NYAP2: variants seen among roughly 807,000 people sequenced by gnomAD.
NYAP2 encodes neuronal tyrosine-phosphorylated phosphoinositide-3-kinase adapter 2.
Under a neutral mutation model 50.4 loss-of-function variants are expected in NYAP2, and 23 were observed. That is an observed-to-expected ratio of 0.46 (90% CI 0.33 to 0.65). The LOEUF is 0.65. Among genes scored for constraint, NYAP2 ranks in the 30% least tolerant of loss-of-function variants. The probability of loss-of-function intolerance (pLI) is 0.02; values close to 1 mark genes in which losing one functional copy is unlikely to be tolerated. For synonymous variants in NYAP2, 394 were observed against 365.2 expected (o/e 1.08, Z -0.90); for missense variants, 885 against 861.0 (o/e 1.03, Z -0.35).
At chr2:225,492,634 G>A (rs924605931) in intron 3 of NYAP2, among the ~76,000 whole-genome samples, 3 of 152,190 alleles carry the variant, frequency 2.0e-5, no homozygotes, top group Non-Finnish European at 4.4e-5. Context: ...TCTGCAGACT[G>A]TACATGCGTG....
chr2:225,650,696 G>T, intron 6 of NYAP2, among the ~76,000 whole-genome samples: 1 of 152,150 alleles, frequency 6.6e-6, no homozygotes, highest in East Asian at 1.9e-4. Flanking sequence ...TTCTTTCTAT[G>T]ACTTGTTTTT....
At chr2:225,484,930 AAGGGTG>A (rs1270555079) in intron 3 of NYAP2, among the ~76,000 whole-genome samples, 2 of 152,208 alleles carry the variant, frequency 1.3e-5, no homozygotes, top group African/African-American at 4.8e-5. Context: ...CAGAAACCCT[AAGGGTG>A]AGGCCCATCA....
the NYAP2 span, among the ~76,000 whole-genome samples, chr2:225,690,898 TCAGA>T: frequency 6.6e-6 from 1 of 152,126 alleles, no homozygotes; most frequent in South Asian, 2.1e-4. Context: ...CTGCCTTCTA[TCAGA>T]CAATTCTAAT....
intron 3 of NYAP2, among the ~76,000 whole-genome samples, chr2:225,481,795 A>G (rs1305472185): frequency 1.3e-5 from 2 of 152,134 alleles, no homozygotes; most frequent in Non-Finnish European, 2.9e-5. Flanking sequence ...GCATCCATTT[A>G]TCATTTATTC....
chr2:225,669,664 G>T, the NYAP2 span, among the ~76,000 whole-genome samples: 6 of 151,846 alleles, frequency 4.0e-5, no homozygotes, highest in African/African-American at 1.4e-4. Flanking sequence ...AAAACCACTG[G>T]GAACTGCTAA....
In NYAP2 at chr2:225,622,518, C is replaced by CTTTCT. The variant is rs149175182; in HGVS notation, c.1619-4397_1619-4396insTCTTT. The stretch of plus-strand genomic sequence containing the variant: ...TTTTATTTCTTTTCTTTCTTTCTTT[C>CTTTCT]TTCTTTCTTTCTTTCTTTCTTTCTT... On this transcript the variant is annotated intron_variant, in intron 5 of 6. Coordinates refer to ENST00000636099, the Ensembl canonical transcript of NYAP2. Among the ~76,000 whole-genome samples, 64 of 70,412 alleles carry CTTTCT rather than the reference C, an allele frequency of 9.1e-4. 4 individuals are homozygous for CTTTCT. Among genetic ancestry groups the CTTTCT allele is most frequent in the Admixed American group, 7.6e-3 (36 of 4,712 alleles). 46.2% of individuals were successfully genotyped at this position (70,412 alleles called of 152,430 possible). A position where few individuals can be genotyped will look rare whatever the true frequency, so the allele number is the denominator to read the frequency against.
chr2:225,424,463 T>A (rs1025017060), intron 3 of NYAP2, among the ~76,000 whole-genome samples: 2 of 152,026 alleles, frequency 1.3e-5, no homozygotes, highest in South Asian at 2.1e-4. Context: ...ATAGAAATTT[T>A]AAATTTTTTT....
At chr2:225,530,523 C>T (rs73084720) in intron 4 of NYAP2, among the ~76,000 whole-genome samples, 3,945 of 152,232 alleles carry the variant, frequency 0.026, 164 homozygotes, top group African/African-American at 0.088. Flanking sequence ...GCTTTTTATG[C>T]CTAACCCTCT....
chr2:225,640,074 C>T (rs1002878484), intron 6 of NYAP2, among the ~76,000 whole-genome samples: 1 of 152,140 alleles, frequency 6.6e-6, no homozygotes, highest in African/African-American at 2.4e-5. Context: ...GGATTTTTAA[C>T]CCAGGGCTTA....
chr2:225,466,486 G>C (rs1356405), intron 3 of NYAP2, among the ~76,000 whole-genome samples: 65,496 of 152,070 alleles, frequency 0.43, 17,300 homozygotes, highest in African/African-American at 0.75. Context: ...ATTTAAGACC[G>C]CAGGTGTGAG....
Position 225,574,578 on chromosome 2 carries a change from T to C in NYAP2, c.524-7363T>C, listed in dbSNP as rs547295776. ...CCTTTAAAAGTTTTGGGGCCCAAAG[T>C]GTTTTTTCATTTAAATTTTAAACTA... On this transcript the variant is annotated intron_variant, in intron 4 of 6. Transcript: ENST00000636099. Among the ~76,000 whole-genome samples, 5 of 152,334 alleles carry C rather than the reference T, an allele frequency of 3.3e-5. No homozygotes were observed. In the South Asian group the frequency reaches 1.0e-3, roughly 32 times the overall value.
chr2:225,641,279 C>G (rs762591538), intron 6 of NYAP2, among the ~76,000 whole-genome samples: 2 of 152,058 alleles, frequency 1.3e-5, no homozygotes, highest in African/African-American at 4.8e-5. Context: ...CCACAAAAGA[C>G]ATTATAAAAT....
intron 5 of NYAP2, among the ~76,000 whole-genome samples, chr2:225,605,560 G>T (rs1441447085): frequency 1.3e-5 from 2 of 152,116 alleles, no homozygotes; most frequent in East Asian, 3.9e-4. Flanking sequence ...TAATAACAAA[G>T]TCTCATCCAC....
At chr2:225,500,360 C>T (rs1480775173) in intron 3 of NYAP2, among the ~76,000 whole-genome samples, 1 of 152,138 alleles carries the variant, frequency 6.6e-6, no homozygotes, top group Non-Finnish European at 1.5e-5. Flanking sequence ...AAAGATGAAA[C>T]AGTGTTTTAT....
chr2:225,547,557 G>A (rs752447231), intron 4 of NYAP2, among the ~76,000 whole-genome samples: 3 of 152,190 alleles, frequency 2.0e-5, no homozygotes, highest in South Asian at 2.1e-4. Context: ...GGCATCAGCC[G>A]AGTTTAGCCT....
the NYAP2 span, among the ~76,000 whole-genome samples, chr2:225,673,666 T>A: frequency 6.6e-6 from 1 of 152,168 alleles, no homozygotes; most frequent in African/African-American, 2.4e-5. Flanking sequence ...CAAATTAATG[T>A]CTTATGCTGC....
downstream of NYAP2, among the ~76,000 whole-genome samples, chr2:225,654,616 A>G (rs914365274): frequency 6.6e-6 from 1 of 152,068 alleles, no homozygotes; most frequent in Non-Finnish European, 1.5e-5. Context: ...CCCAGGAGGC[A>G]GAGGTTGCAG....
intron 4 of NYAP2, among the ~76,000 whole-genome samples, chr2:225,549,225 G>T (rs538796605): frequency 6.6e-6 from 1 of 152,244 alleles, no homozygotes; most frequent in African/African-American, 2.4e-5. Context: ...CCAAGAATGA[G>T]ACACAAAACC....
chr2:225,639,467 A>AT (rs1553559617), intron 6 of NYAP2, among the ~76,000 whole-genome samples: 4 of 151,664 alleles, frequency 2.6e-5, no homozygotes, highest in African/African-American at 2.4e-5. Flanking sequence ...ATTATCTGAC[A>AT]TTTTTTTCTT....
Sources: gnomAD v4.1 joint callset for allele counts (sites outside exome capture counted in the v4.1 genomes callset) on GRCh38, gnomAD v4.1.1 for gene constraint, MANE v1.5 for transcripts, NCBI Gene and HGNC (gene_info 2026-07-23, HGNC 2026-07-21) for gene names.